CACHD1: variants seen among roughly 807,000 people sequenced by gnomAD.
The protein encoded by CACHD1 is VWFA and cache domain-containing protein 1.
In CACHD1, 71 loss-of-function variants were observed where a neutral mutation model predicts 138.7. That is an observed-to-expected ratio of 0.51 (90% CI 0.42 to 0.62). The LOEUF (loss-of-function observed/expected upper bound fraction) is 0.62, where lower values mean the gene tolerates loss of function less well. Ranked by LOEUF, CACHD1 falls within the 20% of genes least tolerant of loss-of-function variation. The pLI, the probability that CACHD1 is intolerant of heterozygous loss-of-function variation, is 0.00. For synonymous variants in CACHD1, 578 were observed against 591.5 expected, an observed-to-expected ratio of 0.98 and a Z score of 0.33; for missense variants, 1,389 against 1,625.3, an observed-to-expected ratio of 0.85 and a Z score of 2.50.
intron 1 of CACHD1, among the ~76,000 whole-genome samples, chr1:64,507,132 A>G (rs761264739): frequency 1.3e-5 from 2 of 152,162 alleles, no homozygotes; most frequent in Non-Finnish European, 2.9e-5. Context: ...TCATGCTTTG[A>G]AGGTTGTTCT....
chr1:64,682,112 G>C lies in CACHD1; in HGVS notation c.3586+6G>C. 6.2e-7 allele frequency: 1 copy of C among 1,613,496 alleles called. No homozygotes were observed. Among genetic ancestry groups the C allele is most frequent in the Non-Finnish European group, 8.5e-7 (1 of 1,179,476 alleles). Reference sequence around the variant, plus strand: ...AGGAACAGAAAGTGATCATGGTAAGGTCTAGCTTCCTGCATTTGAAGACCC... The same window carrying C: ...AGGAACAGAAAGTGATCATGGTAAGCTCTAGCTTCCTGCATTTGAAGACCC... On this transcript the variant is annotated splice_donor_region_variant and intron_variant, in intron 26 of 26. Transcript: ENST00000651257.
At chr1:64,627,832 T>C (rs1011570977) in intron 4 of CACHD1, among the ~76,000 whole-genome samples, 10 of 152,198 alleles carry the variant, frequency 6.6e-5, no homozygotes, top group Admixed American at 6.5e-4. Flanking sequence ...TCACTGTGCA[T>C]GCATTTTTCT....
chr1:64,502,381 T>C (rs943258328), intron 1 of CACHD1, among the ~76,000 whole-genome samples: 4 of 152,230 alleles, frequency 2.6e-5, no homozygotes, highest in African/African-American at 9.6e-5. Flanking sequence ...TCTGGCACTC[T>C]GTTTCCATCC....
At chr1:64,653,979 A>G in intron 11 of CACHD1, 98 bp downstream of exon 11, 1 of 1,058,878 alleles carries the variant, frequency 9.4e-7, no homozygotes, top group Non-Finnish European at 1.3e-6. Context: ...AAACAAGTGT[A>G]TAAATTATTT....
chr1:64,643,321 T>G (rs963794291), intron 8 of CACHD1, among the ~76,000 whole-genome samples: 3 of 152,234 alleles, frequency 2.0e-5, no homozygotes, highest in Non-Finnish European at 2.9e-5. Context: ...AAATGATTTC[T>G]AGACCACACT....
intron 4 of CACHD1, among the ~76,000 whole-genome samples, chr1:64,606,609 C>G (rs1192290561): frequency 6.6e-6 from 1 of 152,072 alleles, no homozygotes; most frequent in Non-Finnish European, 1.5e-5. Context: ...GATTTGACTT[C>G]GGTTAAAAGG....
At chr1:64,645,325 G>A (rs1648867482) in intron 8 of CACHD1, among the ~76,000 whole-genome samples, 1 of 152,014 alleles carries the variant, frequency 6.6e-6, no homozygotes, top group South Asian at 2.1e-4. Context: ...CTAATACAGT[G>A]GAAGTTTGAT....
chr1:64,644,866 G>A (rs1648851853), intron 8 of CACHD1, among the ~76,000 whole-genome samples: 1 of 152,220 alleles, frequency 6.6e-6, no homozygotes, highest in Non-Finnish European at 1.5e-5. Context: ...GGGATGCCGA[G>A]GCAGGCGGAT....
intron 3 of CACHD1, among the ~76,000 whole-genome samples, chr1:64,587,471 C>T (rs890959824): frequency 3.3e-5 from 5 of 152,158 alleles, no homozygotes; most frequent in South Asian, 2.1e-4. Context: ...ATTTTTCAGA[C>T]GGGTTTCATA....
chr1:64,681,108 A>C (rs1317173983), intron 24 of CACHD1, 150 bp from the exon 25 acceptor site: 1 of 476,120 alleles, frequency 2.1e-6, no homozygotes, highest in Non-Finnish European at 3.8e-6. Flanking sequence ...TTAAAAAAAC[A>C]TGGGGCATCA....
intron 25 of CACHD1, among the ~76,000 whole-genome samples, chr1:64,681,551 T>TTTTTTGTTTTG (rs1553146879): frequency 8.7e-6 from 1 of 114,944 alleles, no homozygotes; most frequent in African/African-American, 2.7e-5. Context: ...GTTTTTTTTT[T>TTTTTTGTTTTG]TTTTTTTTTT....
chr1:64,545,600 A>G (rs1442082915), intron 1 of CACHD1, among the ~76,000 whole-genome samples: 1 of 152,178 alleles, frequency 6.6e-6, no homozygotes, highest in Non-Finnish European at 1.5e-5. Context: ...TTAATTTTCT[A>G]TTGCTGATAG....
chr1:64,657,816 A>C (rs988028723), intron 12 of CACHD1, among the ~76,000 whole-genome samples: 1 of 152,224 alleles, frequency 6.6e-6, no homozygotes, highest in African/African-American at 2.4e-5. Context: ...TTCGCTAGTC[A>C]TCAACTTCTT....
intron 1 of CACHD1, among the ~76,000 whole-genome samples, chr1:64,492,659 G>A (rs1646284554): frequency 6.6e-6 from 1 of 152,042 alleles, no homozygotes. Context: ...GATCGTTAGA[G>A]TTAACGTCAG....
intron 1 of CACHD1, 65 bp downstream of exon 1, chr1:64,471,007 C>T: frequency 1.4e-6 from 2 of 1,476,406 alleles, no homozygotes; most frequent in Non-Finnish European, 1.8e-6. Context: ...CCATCCCACT[C>T]CCGGTACAAG....
intron 1 of CACHD1, among the ~76,000 whole-genome samples, chr1:64,473,573 G>C (rs1004179064): frequency 8.5e-5 from 13 of 152,108 alleles, no homozygotes; most frequent in African/African-American, 2.7e-4. Context: ...TGGTCAGGGT[G>C]GGGGTGGAGA....
rs1215894113 is a variant in CACHD1, at chr1:64,663,785, A to G, written c.2042A>G (p.Tyr681Cys). ...QPETKRMVEHYTAYLSDNTRL... is the reference protein window; with the variant it reads ...QPETKRMVEHCTAYLSDNTRL... The stretch of plus-strand genomic sequence containing the variant: ...GAGACAAAGCGCATGGTAGAGCACT[A>G]CACCGCCTATCTCAGCGACAACACC... The change falls in exon 14 of 27, where the codon TAC becomes TGC. Residue 681 changes from tyrosine to cysteine, a missense_variant. Tyr to Cys is a radical substitution (Grantham distance 194). Around this residue, in one of 5 missense-constraint regions of CACHD1, gnomAD observed 1,000 missense variants for 1,114.7 expected, o/e 0.90. Transcript: ENST00000651257. 1.9e-6 allele frequency: 3 copies of G among 1,614,134 alleles called. No homozygotes were observed. Among genetic ancestry groups the G allele is most frequent in the Non-Finnish European group, 2.5e-6 (3 of 1,180,010 alleles).
chr1:64,651,064 G>A (rs1401047531), intron 9 of CACHD1, among the ~76,000 whole-genome samples: 4 of 152,070 alleles, frequency 2.6e-5, no homozygotes, highest in Non-Finnish European at 5.9e-5. Context: ...CCTCCTGTGT[G>A]CTTTGCCCTT....
intron 1 of CACHD1, among the ~76,000 whole-genome samples, chr1:64,507,146 T>C (rs1211034968): frequency 1.3e-5 from 2 of 152,208 alleles, no homozygotes; most frequent in Non-Finnish European, 2.9e-5. Context: ...TTGTTCTTGA[T>C]GTGTTAGGAT....
Sources: allele counts gnomAD v4.1 joint callset (sites outside exome capture counted in the v4.1 genomes callset), GRCh38; gene constraint gnomAD v4.1.1; regional missense constraint gnomAD v4.1.1; transcripts MANE v1.5; gene names NCBI Gene and HGNC (gene_info 2026-07-23, HGNC 2026-07-21).